The following TMPRSS9 variants were observed in gnomAD, a reference collection of about 807,000 sequenced individuals.
TMPRSS9 encodes transmembrane serine protease 9, also known as transmembrane protease serine 9.
Under a neutral mutation model 111.4 loss-of-function variants are expected in TMPRSS9, and 113 were observed. That is an observed-to-expected ratio of 1.01 (90% CI 0.87 to 1.19). The LOEUF (loss-of-function observed/expected upper bound fraction) is 1.19, where lower values mean the gene tolerates loss of function less well. TMPRSS9 is among the 50% of genes most tolerant of loss of function. The probability of loss-of-function intolerance (pLI) is 0.00; values close to 1 mark genes in which losing one functional copy is unlikely to be tolerated. For missense variants in TMPRSS9, 1,803 were observed against 1,513.1 expected (o/e 1.19, Z -3.18); for synonymous variants, 805 against 659.1 (o/e 1.22, Z -3.39).
intron 2 of TMPRSS9, among the ~76,000 whole-genome samples, chr19:2,397,211 G>A (rs1295165456): frequency 1.3e-5 from 2 of 152,038 alleles, no homozygotes; most frequent in Admixed American, 6.6e-5. Flanking sequence ...GTGAGTCACC[G>A]TACCCAACCT....
At chr19:2,378,839 C>T (rs990390112) in intron 1 of TMPRSS9, among the ~76,000 whole-genome samples, 14 of 152,192 alleles carry the variant, frequency 9.2e-5, no homozygotes, top group Admixed American at 5.9e-4. Flanking sequence ...GAGGAGCAAA[C>T]ATGTCCTTCT....
chr19:2,426,188 TG>T (rs149380178), exon 18 of TMPRSS9: 9 of 945,524 alleles, frequency 9.5e-6, no homozygotes, highest in African/African-American at 9.0e-5. Flanking sequence ...AGGACGGGTG[TG>T]GGGGGGCTGT....
chr19:2,403,655 C>G (rs559800166), intron 6 of TMPRSS9, among the ~76,000 whole-genome samples: 29 of 148,294 alleles, frequency 2.0e-4, no homozygotes, highest in African/African-American at 7.2e-4. Context: ...CCAGGAGTTT[C>G]AGACCAGCCT....
In TMPRSS9 at chr19:2,363,522, G is replaced by C. The variant is rs114944215; in HGVS notation, c.-26+3162G>C. Among the ~76,000 whole-genome samples the C allele has an allele frequency of 7.7e-3, 1,144 of 147,872 alleles. 18 individuals are homozygous for C. The highest frequency in any genetic ancestry group is 0.027 in the African/African-American group (1,087 of 40,580). ...AGGAGCAGTTGTGGGGGGGTGGGGG[G>C]ACAGGCGAGAGTGTGGGAGGGAGTG... On this transcript the variant is annotated intron_variant, in intron 1 of 17. Coordinates refer to the TMPRSS9 transcript ENST00000649857.
At chr19:2,386,201 C>T (rs1033831108), upstream of TMPRSS9, among the ~76,000 whole-genome samples, 12 of 152,138 alleles carry the variant, frequency 7.9e-5, no homozygotes, top group African/African-American at 2.9e-4. Flanking sequence ...TGTCCTGCCG[C>T]GGCCTCTTAA....
At chr19:2,418,343 C>CTCT (rs1971323993) in intron 13 of TMPRSS9, among the ~76,000 whole-genome samples, 2 of 54,382 alleles carry the variant, frequency 3.7e-5, no homozygotes, top group African/African-American at 2.6e-4. Context: ...TTCCTTCCCT[C>CTCT]CCTTTCCCTC....
chr19:2,388,872 C>A (rs1715805476), upstream of TMPRSS9, among the ~76,000 whole-genome samples: 1 of 152,056 alleles, frequency 6.6e-6, no homozygotes, highest in African/African-American at 2.4e-5. Flanking sequence ...AATCCTCTCA[C>A]CTCAGCCTCC....
intron 1 of TMPRSS9, among the ~76,000 whole-genome samples, chr19:2,362,260 CTG>C (rs964110967): frequency 1.3e-4 from 20 of 151,462 alleles, no homozygotes; most frequent in African/African-American, 3.6e-4. Context: ...GGCTGTATAA[CTG>C]TGTGTATAGT....
intron 2 of TMPRSS9, among the ~76,000 whole-genome samples, chr19:2,397,863 T>A (rs1970742611): frequency 8.5e-6 from 1 of 117,046 alleles, no homozygotes; most frequent in African/African-American, 3.4e-5. Context: ...GAAGTTGCAG[T>A]GAGCCAAGAT....
chr19:2,360,303 C>T (rs1435648157), exon 1 of TMPRSS9, among the ~76,000 whole-genome samples: 2 of 152,166 alleles, frequency 1.3e-5, no homozygotes, highest in East Asian at 1.9e-4. Context: ...CGCGGTGAGT[C>T]GGGGTCTCCT....
intron 1 of TMPRSS9, among the ~76,000 whole-genome samples, chr19:2,364,097 G>T (rs1213712547): frequency 6.6e-6 from 1 of 152,014 alleles, no homozygotes; most frequent in South Asian, 2.1e-4. Flanking sequence ...TGGGAGGATC[G>T]CTTGAGCCCG....
upstream of TMPRSS9, among the ~76,000 whole-genome samples, chr19:2,388,797 A>AT (rs1384207194): frequency 3.3e-5 from 5 of 150,668 alleles, no homozygotes; most frequent in Middle Eastern, 3.4e-3. Flanking sequence ...ATTTTTGTTC[A>AT]TTTTTTGTGG....
chr19:2,399,509 G>C (rs1459000227), intron 4 of TMPRSS9, among the ~76,000 whole-genome samples: 1 of 152,196 alleles, frequency 6.6e-6, no homozygotes, highest in Non-Finnish European at 1.5e-5. Context: ...CTGGGAGGCG[G>C]AGGTTGCAGT....
chr19:2,417,971 C>T (rs766977652), intron 12 of TMPRSS9, 31 bp from the exon 14 acceptor site: 1 of 1,610,808 alleles, frequency 6.2e-7, no homozygotes, highest in Non-Finnish European at 8.5e-7. Flanking sequence ...GATCACTGTG[C>T]ACGTGGCCTT....
intron 4 of TMPRSS9, among the ~76,000 whole-genome samples, chr19:2,400,410 C>T (rs1330154916): frequency 1.3e-5 from 2 of 151,986 alleles, no homozygotes; most frequent in Non-Finnish European, 2.9e-5. Flanking sequence ...GGTGTGGTGG[C>T]ACGTGCCTGT....
intron 10 of TMPRSS9, among the ~76,000 whole-genome samples, chr19:2,414,650 A>G (rs944057183): frequency 2.6e-5 from 4 of 151,762 alleles, no homozygotes; most frequent in Non-Finnish European, 5.9e-5. Flanking sequence ...AGAGGTGGGC[A>G]GATCGCTTGA....
chr19:2,405,496 G>T, exon 7 of TMPRSS9: 1 of 1,603,454 alleles, frequency 6.2e-7, no homozygotes, highest in South Asian at 1.1e-5. Flanking sequence ...CTGTGGGGCC[G>T]CCATCATCAA....
upstream of TMPRSS9, among the ~76,000 whole-genome samples, chr19:2,384,852 T>G (rs559685967): frequency 2.8e-5 from 4 of 145,212 alleles, no homozygotes; most frequent in East Asian, 6.0e-4. Flanking sequence ...TGTGGTGGCA[T>G]GCACCTGTAA....
chr19:2,385,584 G>A (rs1970461449), upstream of TMPRSS9, among the ~76,000 whole-genome samples: 1 of 151,982 alleles, frequency 6.6e-6, no homozygotes, highest in Non-Finnish European at 1.5e-5. Context: ...CGGTCAGAGA[G>A]GTGGCCGGGT....
Sources: allele counts gnomAD v4.1 joint callset (sites outside exome capture counted in the v4.1 genomes callset), GRCh38; gene constraint gnomAD v4.1.1; transcripts MANE v1.5; gene names NCBI Gene and HGNC (gene_info 2026-07-23, HGNC 2026-07-21).